The following CENPP variants were observed in gnomAD, a reference collection of about 807,000 sequenced individuals.
CENPP encodes centromere protein P.
A neutral mutation model predicts 35.6 loss-of-function variants in CENPP; 24 were observed. The ratio of observed to expected loss-of-function variants is 0.67; its 90% CI spans 0.49 to 0.95. The LOEUF is 0.95. CENPP is among the 40% of genes least tolerant of loss of function. The pLI is 0.00. For synonymous variants in CENPP, 120 were observed against 125.5 expected, an observed-to-expected ratio of 0.96 and a Z score of 0.29; for missense variants, 332 against 345.3, an observed-to-expected ratio of 0.96 and a Z score of 0.31.
rs1169496985 is a variant in CENPP, at chr9:92,614,937, C to G, written c.*1788C>G. On this transcript the variant is annotated 3_prime_UTR_variant, in exon 8 of 8. Transcript: ENST00000375587. ...AACGCAACACGTCTCAAGGCAAACC[C>G]GAGGGAGGAACTTGGTCTGGGAGGA... is the stretch of plus-strand genomic sequence containing the variant. The G allele has an allele frequency of 6.6e-6, 1 of 152,372 alleles. No individual in the cohort carries two copies. Among genetic ancestry groups the G allele is most frequent in the Non-Finnish European group, 1.5e-5 (1 of 68,042 alleles). 9.4% of individuals were successfully genotyped at this position (152,372 alleles called of 1,614,324 possible).
chr9:92,521,588 T>C (rs1260659115), intron 5 of CENPP, among the ~76,000 whole-genome samples: 1 of 152,188 alleles, frequency 6.6e-6, no homozygotes, highest in African/African-American at 2.4e-5. Flanking sequence ...CTTTTGAAAG[T>C]TTTATTTAGT....
intron 5 of CENPP, among the ~76,000 whole-genome samples, chr9:92,527,259 C>T (rs539470732): frequency 1.2e-4 from 18 of 152,296 alleles, no homozygotes; most frequent in African/African-American, 4.1e-4. Flanking sequence ...GATTCACCCA[C>T]CTCAGCCTCA....
At chr9:92,540,736 A>C (rs1387381479) in intron 5 of CENPP, among the ~76,000 whole-genome samples, 1 of 151,456 alleles carries the variant, frequency 6.6e-6, no homozygotes. Flanking sequence ...ACACCACTGC[A>C]CTCTAGCCTG....
chr9:92,370,117 T>G (rs1841975400), intron 4 of CENPP, among the ~76,000 whole-genome samples: 1 of 152,242 alleles, frequency 6.6e-6, no homozygotes, highest in Admixed American at 6.5e-5. Flanking sequence ...ATATTACATT[T>G]ATTGATTTGT....
chr9:92,507,850 C>T (rs188531465), intron 5 of CENPP, among the ~76,000 whole-genome samples: 1 of 152,348 alleles, frequency 6.6e-6, no homozygotes, highest in East Asian at 1.9e-4. Context: ...GGACTCTGCT[C>T]CTCCTGCAGG....
Position 92,583,906 on chromosome 9 carries a change from G to C in CENPP, c.565-27408G>C, listed in dbSNP as rs549873911. On this transcript the variant is annotated intron_variant, in intron 5 of 7. Coordinates refer to ENST00000375587, the MANE Select transcript of CENPP (RefSeq NM_001012267.3). ...ATTACTTCTCTATGTCTTTGGAAAA[G>C]AGTATTAGCAATGGTTGGGCATGTA... Among the ~76,000 whole-genome samples the C allele has an allele frequency of 2.0e-5, 3 of 152,332 alleles. No individual in the cohort carries two copies. The East Asian group carries it at 5.8e-4, about 29-fold the overall frequency.
intron 6 of CENPP, among the ~76,000 whole-genome samples, chr9:92,611,829 C>G (rs529302083): frequency 3.0e-4 from 46 of 152,256 alleles, no homozygotes; most frequent in Middle Eastern, 3.2e-3. Flanking sequence ...GTGCCGTGTT[C>G]TCCATCCTCT....
intron 5 of CENPP, among the ~76,000 whole-genome samples, chr9:92,426,330 G>A (rs1278943226): frequency 2.6e-5 from 4 of 152,144 alleles, no homozygotes; most frequent in Non-Finnish European, 5.9e-5. Context: ...TCAAAGCTGA[G>A]TGACACAGGA....
At chr9:92,594,841 A>G (rs1850739346) in intron 5 of CENPP, among the ~76,000 whole-genome samples, 1 of 151,780 alleles carries the variant, frequency 6.6e-6, no homozygotes, top group South Asian at 2.1e-4. Flanking sequence ...TCATTTATGT[A>G]AGTTATTTGT....
chr9:92,400,207 A>G (rs866494530), intron 5 of CENPP, among the ~76,000 whole-genome samples: 2 of 152,108 alleles, frequency 1.3e-5, no homozygotes, highest in Non-Finnish European at 1.5e-5. Context: ...CTGGAGTACA[A>G]TGGCACGACC....
At chr9:92,471,282 G>A (rs182152955) in intron 5 of CENPP, among the ~76,000 whole-genome samples, 19 of 149,450 alleles carry the variant, frequency 1.3e-4, no homozygotes, top group Admixed American at 5.3e-4. Context: ...CTGCAACCTC[G>A]GCCTCCCGGG....
intron 5 of CENPP, among the ~76,000 whole-genome samples, chr9:92,406,921 A>G (rs932605690): frequency 6.6e-6 from 1 of 152,184 alleles, no homozygotes; most frequent in Non-Finnish European, 1.5e-5. Flanking sequence ...GGAGATTCCT[A>G]GAACCACTCT....
intron 5 of CENPP, among the ~76,000 whole-genome samples, chr9:92,546,877 T>A (rs141745340): frequency 2.0e-5 from 3 of 152,298 alleles, no homozygotes; most frequent in Admixed American, 6.5e-5. Flanking sequence ...GTTCATAATT[T>A]CAAATCTTCC....
intron 5 of CENPP, among the ~76,000 whole-genome samples, chr9:92,436,860 G>A (rs1463708453): frequency 5.3e-5 from 8 of 152,066 alleles, no homozygotes; most frequent in African/African-American, 1.7e-4. Context: ...GGCTATTCTA[G>A]TTCCTTTGCC....
intron 5 of CENPP, among the ~76,000 whole-genome samples, chr9:92,532,169 C>A (rs960331635): frequency 1.3e-5 from 2 of 151,246 alleles, no homozygotes; most frequent in African/African-American, 4.9e-5. Flanking sequence ...CTCGAAGATA[C>A]AATTTCTATG....
intron 5 of CENPP, among the ~76,000 whole-genome samples, chr9:92,499,757 C>CA (rs2057204822): frequency 6.6e-6 from 1 of 152,122 alleles, no homozygotes; most frequent in South Asian, 2.1e-4. Context: ...TCTTTGTAGG[C>CA]ATTTAGTTTA....
At chr9:92,357,459 CTCA>C (rs1250486497) in intron 4 of CENPP, among the ~76,000 whole-genome samples, 32 of 119,906 alleles carry the variant, frequency 2.7e-4, no homozygotes, top group African/African-American at 3.6e-4. Context: ...GATCATCTCC[CTCA>C]TTATTATTAT....
intron 5 of CENPP, among the ~76,000 whole-genome samples, chr9:92,543,339 G>A (rs1251628802): frequency 6.6e-6 from 1 of 151,844 alleles, no homozygotes; most frequent in African/African-American, 2.4e-5. Flanking sequence ...TGGGCATGGT[G>A]GTACGTACCT....
At chr9:92,416,080 T>A (rs796071835) in intron 5 of CENPP, among the ~76,000 whole-genome samples, 12,753 of 135,396 alleles carry the variant, frequency 0.094, 863 homozygotes, top group South Asian at 0.14. Context: ...ATTTATTTAT[T>A]TATTTATTTA....
Sources: gnomAD v4.1 joint callset for allele counts (sites outside exome capture counted in the v4.1 genomes callset) on GRCh38, gnomAD v4.1.1 for gene constraint, MANE v1.5 for transcripts, NCBI Gene and HGNC (gene_info 2026-07-23, HGNC 2026-07-21) for gene names.